The following TLL1 variants were observed in gnomAD, a reference collection of about 807,000 sequenced individuals.
The protein encoded by TLL1 is tolloid like 1.
Under a neutral mutation model 128.2 loss-of-function variants are expected in TLL1, and 49 were observed. That is an observed-to-expected ratio of 0.38 (90% CI 0.30 to 0.48). The LOEUF (loss-of-function observed/expected upper bound fraction) is 0.48. Among genes scored for constraint, TLL1 ranks in the 20% least tolerant of loss-of-function variants. The pLI, the probability that TLL1 is intolerant of heterozygous loss-of-function variation, is 0.96. For missense variants in TLL1, 1,123 were observed against 1,242.0 expected (o/e 0.90, Z 1.44); for synonymous variants, 454 against 418.8 (o/e 1.08, Z -1.03).
At chr4:165,998,796 T>TAAAAA (rs1560800630) in intron 5 of TLL1, among the ~76,000 whole-genome samples, 199 of 149,282 alleles carry the variant, frequency 1.3e-3, no homozygotes, top group African/African-American at 4.7e-3. Flanking sequence ...GACTCTGTCT[T>TAAAAA]CAAAAAAAAA....
intron 8 of TLL1, among the ~76,000 whole-genome samples, chr4:166,019,772 A>G (rs1212199300): frequency 6.6e-6 from 1 of 152,166 alleles, no homozygotes; most frequent in Non-Finnish European, 1.5e-5. Flanking sequence ...TATACATTTT[A>G]ATTTTCCTTA....
intron 1 of TLL1, among the ~76,000 whole-genome samples, chr4:165,908,150 G>A (rs936206874): frequency 6.6e-6 from 1 of 152,220 alleles, no homozygotes; most frequent in Non-Finnish European, 1.5e-5. Context: ...AGAATAAGTA[G>A]TAATTGTTAT....
intron 1 of TLL1, among the ~76,000 whole-genome samples, chr4:165,928,879 AT>A (rs1733388139): frequency 6.6e-6 from 1 of 152,126 alleles, no homozygotes. Flanking sequence ...AACAAATCCA[AT>A]TTTTTAAAAA....
At chr4:165,999,086 A>G (rs1737028191) in intron 5 of TLL1, among the ~76,000 whole-genome samples, 1 of 152,164 alleles carries the variant, frequency 6.6e-6, no homozygotes, top group Admixed American at 6.5e-5. Context: ...CATTTTGATC[A>G]AAACCATTCA....
intron 1 of TLL1, among the ~76,000 whole-genome samples, chr4:165,973,428 C>T (rs947905317): frequency 1.3e-5 from 2 of 151,846 alleles, no homozygotes; most frequent in East Asian, 3.9e-4. Context: ...GGAATCGAGT[C>T]CTTGAGTATT....
intron 16 of TLL1, among the ~76,000 whole-genome samples, chr4:166,070,336 GA>G (rs1208159802): frequency 6.6e-6 from 1 of 151,712 alleles, no homozygotes; most frequent in Non-Finnish European, 1.5e-5. Context: ...CTTTATACCT[GA>G]AAAAAATAGC....
intron 1 of TLL1, among the ~76,000 whole-genome samples, chr4:165,970,658 A>C (rs1735591059): frequency 6.6e-6 from 1 of 152,170 alleles, no homozygotes; most frequent in African/African-American, 2.4e-5. Context: ...ATACTCTAAA[A>C]TAAATAAATA....
At chr4:166,026,649 T>C (rs539555580) in intron 9 of TLL1, among the ~76,000 whole-genome samples, 70 of 151,822 alleles carry the variant, frequency 4.6e-4, no homozygotes, top group African/African-American at 1.7e-3. Context: ...ATGGCGCCGT[T>C]GCACTGCAGC....
At chr4:165,898,254 T>A (rs1200395734) in intron 1 of TLL1, among the ~76,000 whole-genome samples, 1 of 152,232 alleles carries the variant, frequency 6.6e-6, no homozygotes, top group African/African-American at 2.4e-5. Context: ...TGGCCAGAAT[T>A]TCCAATACTA....
At chr4:165,960,170 A>G (rs1735027152) in intron 1 of TLL1, among the ~76,000 whole-genome samples, 1 of 152,130 alleles carries the variant, frequency 6.6e-6, no homozygotes, top group African/African-American at 2.4e-5. Context: ...TCCCACGGAT[A>G]AACAAAAAAT....
chr4:166,062,779 G>A (rs974426032), intron 15 of TLL1, among the ~76,000 whole-genome samples: 2 of 152,220 alleles, frequency 1.3e-5, no homozygotes, highest in East Asian at 3.9e-4. Context: ...GTGAGAGAGG[G>A]CATCCCTGTC....
At chr4:165,990,131 TA>T (rs962426895) in intron 2 of TLL1, among the ~76,000 whole-genome samples, 7 of 152,080 alleles carry the variant, frequency 4.6e-5, no homozygotes, top group African/African-American at 1.4e-4. Flanking sequence ...TTGATATATG[TA>T]AAAGATTATT....
At position 166,091,068 on chromosome 4, in the gene TLL1, T is replaced by A. The variant is rs369448462; in HGVS notation, c.2443-60T>A. 10 of 1,448,510 alleles carry A rather than the reference T, an allele frequency of 6.9e-6. 1 individual carries two copies. The African/African-American group carries it at 7.2e-5, about 10-fold the overall frequency. 89.7% of individuals were successfully genotyped at this position (1,448,510 alleles called of 1,614,324 possible). A position where few individuals can be genotyped will look rare whatever the true frequency, so the allele number is the denominator to read the frequency against. Reference sequence around the variant, plus strand: ...TTGATATGTATTTCTGTCCCAAAAATTATCTCATTTTGAGTGATTTGTTTT... The same window carrying A: ...TTGATATGTATTTCTGTCCCAAAAAATATCTCATTTTGAGTGATTTGTTTT... On this transcript the variant is annotated intron_variant, in intron 18 of 20. Coordinates refer to ENST00000061240, the MANE Select transcript of TLL1 (RefSeq NM_012464.5).
At chr4:165,964,774 A>G (rs2110966492) in intron 1 of TLL1, among the ~76,000 whole-genome samples, 1 of 152,172 alleles carries the variant, frequency 6.6e-6, no homozygotes. Flanking sequence ...AGAAACAAAA[A>G]TCACCAACAA....
intron 5 of TLL1, among the ~76,000 whole-genome samples, chr4:166,000,770 A>G (rs1160246503): frequency 6.6e-6 from 1 of 152,162 alleles, no homozygotes; most frequent in Non-Finnish European, 1.5e-5. Context: ...ATAATATTCA[A>G]ATACATAATA....
At chr4:166,049,570 A>T (rs1739618299) in intron 12 of TLL1, among the ~76,000 whole-genome samples, 1 of 152,054 alleles carries the variant, frequency 6.6e-6, no homozygotes, top group Non-Finnish European at 1.5e-5. Context: ...AATCATTCAC[A>T]TGAAAATAAA....
At chr4:166,027,491 CAT>C (rs1560820960) in intron 9 of TLL1, among the ~76,000 whole-genome samples, 1 of 152,106 alleles carries the variant, frequency 6.6e-6, no homozygotes, top group Non-Finnish European at 1.5e-5. Context: ...ACTCATGTAA[CAT>C]AAATAATTTT....
intron 1 of TLL1, among the ~76,000 whole-genome samples, chr4:165,966,364 C>T (rs1735375729): frequency 6.6e-6 from 1 of 151,888 alleles, no homozygotes; most frequent in South Asian, 2.1e-4. Context: ...TGGAAGTCAC[C>T]CAGCATTCCA....
chr4:166,017,742 T>C (rs931964606), intron 8 of TLL1, among the ~76,000 whole-genome samples: 4 of 152,144 alleles, frequency 2.6e-5, no homozygotes, highest in Admixed American at 2.6e-4. Context: ...ACTCTGTGCA[T>C]GTGGATATAT....
Sources: allele counts gnomAD v4.1 joint callset (sites outside exome capture counted in the v4.1 genomes callset), GRCh38; gene constraint gnomAD v4.1.1; transcripts MANE v1.5; gene names NCBI Gene and HGNC (gene_info 2026-07-23, HGNC 2026-07-21).